The following ZFAND3 variants were observed in gnomAD, a reference collection of about 807,000 sequenced individuals.
The protein encoded by ZFAND3 is zinc finger AN1-type containing 3, also known as AN1-type zinc finger protein 3.
Under a neutral mutation model 29.6 loss-of-function variants are expected in ZFAND3, and 10 were observed. The ratio of observed to expected loss-of-function variants is 0.34; its 90% confidence interval spans 0.21 to 0.57. The LOEUF (loss-of-function observed/expected upper bound fraction) is 0.57, where lower values mean the gene tolerates loss of function less well. ZFAND3 is among the 20% of genes least tolerant of loss of function. The pLI is 0.86. For synonymous variants in ZFAND3, 128 were observed against 112.6 expected, an observed-to-expected ratio of 1.14 and a Z score of -0.87; for missense variants, 230 against 304.5, an observed-to-expected ratio of 0.76 and a Z score of 1.82.
intron 2 of ZFAND3, among the ~76,000 whole-genome samples, chr6:38,014,983 A>AT (rs1763229241): frequency 6.6e-6 from 1 of 152,220 alleles, no homozygotes; most frequent in African/African-American, 2.4e-5. Flanking sequence ...AGATCGTTTA[A>AT]TTTTAACCTC....
chr6:37,962,968 C>G (rs1030670274), intron 2 of ZFAND3, among the ~76,000 whole-genome samples: 3 of 151,862 alleles, frequency 2.0e-5, no homozygotes, highest in Non-Finnish European at 4.4e-5. Flanking sequence ...CCTTTAAGAT[C>G]TACATGTAAC....
chr6:37,975,297 T>A (rs911947713), intron 2 of ZFAND3, among the ~76,000 whole-genome samples: 1 of 152,168 alleles, frequency 6.6e-6, no homozygotes, highest in Non-Finnish European at 1.5e-5. Flanking sequence ...ACCGTTGAAA[T>A]TTTTTTGCCT....
intron 4 of ZFAND3, among the ~76,000 whole-genome samples, chr6:38,106,313 C>T (rs1051678009): frequency 7.9e-5 from 12 of 151,978 alleles, no homozygotes; most frequent in African/African-American, 1.7e-4. Context: ...CCACCACGCC[C>T]GGTTAACTTT....
At chr6:38,034,020 G>A (rs1278633013) in intron 2 of ZFAND3, among the ~76,000 whole-genome samples, 1 of 152,082 alleles carries the variant, frequency 6.6e-6, no homozygotes, top group East Asian at 1.9e-4. Flanking sequence ...TTTCTAGCTT[G>A]TGCATTGATT....
intron 1 of ZFAND3, among the ~76,000 whole-genome samples, chr6:37,886,237 C>CAAAAAAAAAAAAAAAAAAAAAAAA (rs55661554): frequency 4.2e-5 from 4 of 95,278 alleles, no homozygotes; most frequent in South Asian, 3.9e-4. Context: ...GACTCTGTCT[C>CAAAAAAAAAAAAAAAAAAAAAAAA]AAAAAAAAAA....
At chr6:38,064,097 A>G (rs948023136) in intron 3 of ZFAND3, among the ~76,000 whole-genome samples, 5 of 152,184 alleles carry the variant, frequency 3.3e-5, no homozygotes, top group Admixed American at 2.0e-4. Context: ...TACACCATCC[A>G]TTTATACCCA....
At chr6:37,905,258 T>C (rs541784771) in intron 1 of ZFAND3, among the ~76,000 whole-genome samples, 5 of 152,286 alleles carry the variant, frequency 3.3e-5, no homozygotes, top group Admixed American at 2.6e-4. Flanking sequence ...ACTTGGACTT[T>C]TAAGAAAATG....
chr6:37,884,979 C>T (rs1764963239), intron 1 of ZFAND3, among the ~76,000 whole-genome samples: 1 of 152,152 alleles, frequency 6.6e-6, no homozygotes, highest in Admixed American at 6.5e-5. Context: ...TAACAAGGCT[C>T]TTGTAACAGA....
rs1217326869 is a variant in ZFAND3, at chr6:37,883,548, CTTT to C, written c.72-46401_72-46399del. Among the ~76,000 whole-genome samples, 5 of 100,566 alleles carry C rather than the reference CTTT, an allele frequency of 5.0e-5. 2 individuals are homozygous for C. Among genetic ancestry groups the C allele is most frequent in the Non-Finnish European group, 1.0e-4 (5 of 49,324 alleles). 66.0% of individuals were successfully genotyped at this position (100,566 alleles called of 152,430 possible). A position where few individuals can be genotyped will look rare whatever the true frequency, so the allele number is the denominator to read the frequency against. ...TGTATACCTTTTCTTTTCTTTCTTT[CTTT>C]TTTTTTTTTGAGACGGAGTCTCGCT... On this transcript the variant is annotated intron_variant, in intron 1 of 5. Coordinates refer to ENST00000287218, the MANE Select transcript of ZFAND3 (RefSeq NM_021943.3).
intron 2 of ZFAND3, among the ~76,000 whole-genome samples, chr6:37,977,769 A>AT (rs1762505263): frequency 2.6e-5 from 3 of 114,288 alleles, no homozygotes; most frequent in African/African-American, 9.8e-5. Context: ...TGGTTTGCTG[A>AT]GTTTTTTGTT....
At chr6:38,107,792 C>T (rs1765237518) in intron 4 of ZFAND3, among the ~76,000 whole-genome samples, 1 of 152,178 alleles carries the variant, frequency 6.6e-6, no homozygotes, top group Non-Finnish European at 1.5e-5. Context: ...ATGATTGTGC[C>T]ACTGCACTCT....
intron 2 of ZFAND3, among the ~76,000 whole-genome samples, chr6:38,023,138 T>C (rs949506493): frequency 6.6e-6 from 1 of 152,234 alleles, no homozygotes; most frequent in African/African-American, 2.4e-5. Flanking sequence ...ACCATGAATC[T>C]ATAAGGCTAC....
chr6:38,077,439 C>T (rs1010215053), intron 3 of ZFAND3, among the ~76,000 whole-genome samples: 1 of 148,578 alleles, frequency 6.7e-6, no homozygotes, highest in Non-Finnish European at 1.5e-5. Flanking sequence ...ATGTAAATGT[C>T]ATGTTAAGTA....
chr6:38,075,647 G>A (rs1242203849), intron 3 of ZFAND3, among the ~76,000 whole-genome samples: 1 of 152,180 alleles, frequency 6.6e-6, no homozygotes, highest in Non-Finnish European at 1.5e-5. Flanking sequence ...AGTCTGAGAG[G>A]ATTGACTCCA....
chr6:37,843,121 CAA>C (rs34684980), intron 1 of ZFAND3, among the ~76,000 whole-genome samples: 26 of 70,340 alleles, frequency 3.7e-4, no homozygotes, highest in East Asian at 4.9e-4. Context: ...AACTGTTTCA[CAA>C]AAAAAAAAAA....
intron 2 of ZFAND3, among the ~76,000 whole-genome samples, chr6:37,965,150 A>G (rs894103071): frequency 5.3e-5 from 8 of 152,178 alleles, no homozygotes; most frequent in Non-Finnish European, 1.0e-4. Flanking sequence ...AAGACATAAA[A>G]TATGTCCTGA....
chr6:38,138,590 C>CTTAT (rs1765888310), intron 5 of ZFAND3, among the ~76,000 whole-genome samples: 1 of 152,176 alleles, frequency 6.6e-6, no homozygotes, highest in Non-Finnish European at 1.5e-5. Flanking sequence ...GTATGCTGAG[C>CTTAT]TTATTCCTGC....
At chr6:37,890,840 A>G (rs1455518287) in intron 1 of ZFAND3, among the ~76,000 whole-genome samples, 2 of 152,240 alleles carry the variant, frequency 1.3e-5, no homozygotes, top group Non-Finnish European at 2.9e-5. Flanking sequence ...TTTTGAAACA[A>G]TTTAAACTAT....
intron 1 of ZFAND3, among the ~76,000 whole-genome samples, chr6:37,906,958 C>A (rs1765419615): frequency 6.6e-6 from 1 of 151,944 alleles, no homozygotes; most frequent in South Asian, 2.1e-4. Flanking sequence ...GAAATATATA[C>A]TTGGTAATAT....
Sources: gnomAD v4.1 joint callset for allele counts (sites outside exome capture counted in the v4.1 genomes callset) on GRCh38, gnomAD v4.1.1 for gene constraint, MANE v1.5 for transcripts, NCBI Gene and HGNC (gene_info 2026-07-23, HGNC 2026-07-21) for gene names.